CELF2: variants seen among roughly 807,000 people sequenced by gnomAD.
CELF2 encodes CUG triplet repeat RNA-binding protein 2.
A neutral mutation model predicts 62.6 loss-of-function variants in CELF2; 8 were observed. That is an observed-to-expected ratio of 0.13 (90% CI 0.07 to 0.23). The LOEUF (loss-of-function observed/expected upper bound fraction) is 0.23, where lower values mean the gene tolerates loss of function less well. Ranked by LOEUF, CELF2 falls within the 10% of genes least tolerant of loss-of-function variation. CELF2 has a pLI of 1.00. For missense variants in CELF2, 333 were observed against 671.0 expected (o/e 0.50, Z 5.56); for synonymous variants, 258 against 250.0 (o/e 1.03, Z -0.30).
At chr10:11,164,992 T>A in intron 1 of CELF2, 1 of 849,960 alleles carries the variant, frequency 1.2e-6, no homozygotes, top group Non-Finnish European at 1.4e-6. Flanking sequence ...TGTGACTTTA[T>A]TATTACCACC....
At chr10:10,591,279 T>G in the CELF2 span, among the ~76,000 whole-genome samples, 2 of 152,142 alleles carry the variant, frequency 1.3e-5, no homozygotes, top group African/African-American at 4.8e-5. Flanking sequence ...AATGAAACAT[T>G]TAATAATGGG....
chr10:10,557,952 T>C, the CELF2 span, among the ~76,000 whole-genome samples: 110 of 140,450 alleles, frequency 7.8e-4, 1 homozygote, highest in Middle Eastern at 0.014. Flanking sequence ...AATGGGGTTT[T>C]CTAGATATAC....
At position 11,314,127 on chromosome 10, in the gene CELF2, T is replaced by G. The variant is rs755828646; in HGVS notation, c.977-12T>G. On this transcript the variant is annotated splice_polypyrimidine_tract_variant and intron_variant, in intron 9 of 12. Transcript: ENST00000633077. This position sits in a 1 kb window ranked among gnomAD's most constrained non-coding sequence, Gnocchi z 5.3. ...GTCTTCTCTCCCCTTGTCTCTGTTT[T>G]CCTTTTTTCAGTGGCTGCTTCAACC... 6.8e-7 allele frequency: 1 copy of G among 1,462,984 alleles called. No individual in the cohort carries two copies. Among genetic ancestry groups the G allele is most frequent in the Middle Eastern group, 1.8e-4 (1 of 5,702 alleles). 90.6% of individuals were successfully genotyped at this position (1,462,984 alleles called of 1,614,324 possible).
chr10:10,525,163 A>C, the CELF2 span, among the ~76,000 whole-genome samples: 1 of 152,160 alleles, frequency 6.6e-6, no homozygotes, highest in South Asian at 2.1e-4. Flanking sequence ...TGCTCTTAGC[A>C]ATTTTCAAGT....
chr10:10,705,061 C>T, the CELF2 span, among the ~76,000 whole-genome samples: 1 of 151,978 alleles, frequency 6.6e-6, no homozygotes, highest in African/African-American at 2.4e-5. Context: ...TGGCACAAGC[C>T]TGTAATCCTG....
At chr10:10,543,555 C>G in the CELF2 span, among the ~76,000 whole-genome samples, 1 of 152,130 alleles carries the variant, frequency 6.6e-6, no homozygotes, top group African/African-American at 2.4e-5. Flanking sequence ...ATGATAAAAG[C>G]AGTAGAATAG....
the CELF2 span, among the ~76,000 whole-genome samples, chr10:10,781,230 T>C: frequency 3.3e-5 from 5 of 152,198 alleles, no homozygotes; most frequent in East Asian, 9.6e-4. Context: ...ATGCCATATT[T>C]TTACCTTTTT....
At chr10:10,709,045 A>G in the CELF2 span, among the ~76,000 whole-genome samples, 3 of 152,262 alleles carry the variant, frequency 2.0e-5, no homozygotes, top group Non-Finnish European at 4.4e-5. Flanking sequence ...TATGCTTAAT[A>G]AATACTCATA....
the CELF2 span, among the ~76,000 whole-genome samples, chr10:10,621,050 C>T: frequency 2.7e-5 from 4 of 149,774 alleles, no homozygotes; most frequent in African/African-American, 7.3e-5. Flanking sequence ...GGTGAAACCC[C>T]GTCTCCACTA....
At chr10:10,621,465 CAGAA>C in the CELF2 span, among the ~76,000 whole-genome samples, 2 of 152,120 alleles carry the variant, frequency 1.3e-5, no homozygotes, top group South Asian at 2.1e-4. Flanking sequence ...TCTCCACCCA[CAGAA>C]AGAGAGTTGA....
chr10:10,545,134 A>C, the CELF2 span, among the ~76,000 whole-genome samples: 1 of 152,216 alleles, frequency 6.6e-6, no homozygotes, highest in African/African-American at 2.4e-5. Flanking sequence ...AAGACAAGGG[A>C]CCACAATACA....
the CELF2 span, among the ~76,000 whole-genome samples, chr10:10,774,597 C>T: frequency 6.6e-6 from 1 of 152,196 alleles, no homozygotes. Flanking sequence ...TTGCCTTCCG[C>T]GATGACTGTA....
At chr10:10,463,221 A>G in the CELF2 span, among the ~76,000 whole-genome samples, 2 of 152,180 alleles carry the variant, frequency 1.3e-5, no homozygotes, top group Non-Finnish European at 2.9e-5. Flanking sequence ...TTGTTCCTCA[A>G]AAGGACAAAT....
chr10:10,821,097 C>T (rs556724961), intron 1 of CELF2, among the ~76,000 whole-genome samples: 1 of 152,314 alleles, frequency 6.6e-6, no homozygotes, highest in South Asian at 2.1e-4. Flanking sequence ...AGAAAGTGTC[C>T]AGCAAGCTGC....
At chr10:10,551,846 C>G in the CELF2 span, among the ~76,000 whole-genome samples, 3 of 152,172 alleles carry the variant, frequency 2.0e-5, no homozygotes, top group Non-Finnish European at 1.5e-5. Context: ...TGTCATCCAG[C>G]TCACTCTAAT....
chr10:10,747,322 CA>C, the CELF2 span, among the ~76,000 whole-genome samples: 1 of 152,080 alleles, frequency 6.6e-6, no homozygotes, highest in Non-Finnish European at 1.5e-5. Context: ...GTAAAACACA[CA>C]AAAAATTGAA....
intron 4 of CELF2, among the ~76,000 whole-genome samples, chr10:11,249,592 G>A (rs2076551000): frequency 1.3e-5 from 2 of 152,162 alleles, no homozygotes; most frequent in Admixed American, 1.3e-4. Context: ...GGCTTTCTGT[G>A]GGTGGGGGAG....
At chr10:11,245,475 G>A (rs1037003444) in intron 3 of CELF2, among the ~76,000 whole-genome samples, 3 of 152,218 alleles carry the variant, frequency 2.0e-5, no homozygotes, top group African/African-American at 4.8e-5. Flanking sequence ...CTGAAGTGGG[G>A]TGACCATCTA....
chr10:10,765,740 G>A, the CELF2 span, among the ~76,000 whole-genome samples: 11,392 of 152,202 alleles, frequency 0.075, 472 homozygotes, highest in African/African-American at 0.093. Context: ...AGCCAGCACC[G>A]TGGCTTGTCC....
Sources: gnomAD v4.1 joint callset for allele counts (sites outside exome capture counted in the v4.1 genomes callset) on GRCh38, gnomAD v4.1.1 for gene constraint, Gnocchi (gnomAD v3.1) non-coding constraint, MANE v1.5 for transcripts, NCBI Gene and HGNC (gene_info 2026-07-23, HGNC 2026-07-21) for gene names.